HIRA: variants seen among roughly 807,000 people sequenced by gnomAD.
HIRA encodes protein HIRA.
A neutral mutation model predicts 126.6 loss-of-function variants in HIRA; 13 were observed. That is an observed-to-expected ratio of 0.10 (90% confidence interval 0.07 to 0.16). The LOEUF is 0.16. Ranked by LOEUF, HIRA falls within the 10% of genes least tolerant of loss-of-function variation. HIRA has a pLI of 1.00. For missense variants in HIRA, 834 were observed against 1,314.4 expected (o/e 0.63, Z 5.65); for synonymous variants, 511 against 520.0 (o/e 0.98, Z 0.24).
At chr22:19,395,654 C>G (rs572771956) in intron 7 of HIRA, among the ~76,000 whole-genome samples, 3 of 152,162 alleles carry the variant, frequency 2.0e-5, no homozygotes, top group South Asian at 2.1e-4. Flanking sequence ...GCAAACCTTC[C>G]CTCATGTGTC....
intron 24 of HIRA, among the ~76,000 whole-genome samples, chr22:19,349,128 C>T (rs1418570802): frequency 2.7e-5 from 4 of 150,492 alleles, no homozygotes; most frequent in South Asian, 2.1e-4. Context: ...TTTCTTGAGA[C>T]GGAGTTTTGC....
chr22:19,377,742 A>AT, intron 14 of HIRA, 127 bp downstream of exon 14: 1 of 825,406 alleles, frequency 1.2e-6, no homozygotes, highest in Non-Finnish European at 1.9e-6. Context: ...CAAATCACGC[A>AT]TTTTTTTCTT....
intron 21 of HIRA, among the ~76,000 whole-genome samples, chr22:19,354,365 C>G (rs1415817577): frequency 6.6e-6 from 1 of 152,180 alleles, no homozygotes; most frequent in African/African-American, 2.4e-5. Flanking sequence ...TGGATAGGGC[C>G]CTTGCTGGGA....
rs2089228871 is a variant in HIRA, at chr22:19,396,936, T to C, written c.505A>G (p.Thr169Ala). Residue 169 changes from threonine (T) to alanine (A), a missense_variant, in exon 7 of 25, where the codon ACT becomes GCT. Around this residue, in one of 5 missense-constraint regions of HIRA, gnomAD observed 53 missense variants for 163.7 expected, o/e 0.32. Coordinates refer to ENST00000263208, the MANE Select transcript of HIRA (RefSeq NM_003325.4). ...ACCAAGCCAGAATGACCTCTCAGAG[T>C]AGCTAGAATTTCTGTGAAGAAAAAA... Reference protein sequence around the residue: ...NAVKFPEILATLRGHSGLVKG... With the variant: ...NAVKFPEILAALRGHSGLVKG... The C allele has an allele frequency of 6.2e-7, 1 of 1,613,850 alleles. No individual in the cohort carries two copies. The highest frequency in any genetic ancestry group is 8.5e-7 in the Non-Finnish European group (1 of 1,179,936).
chr22:19,414,936 C>CTTATTTAT (rs138847743), intron 1 of HIRA, among the ~76,000 whole-genome samples: 12,597 of 150,748 alleles, frequency 0.084, 1,766 homozygotes, highest in African/African-American at 0.29. Flanking sequence ...ACAACACAAA[C>CTTATTTAT]TTATTTATTT....
At position 19,431,624 on chromosome 22, in the gene HIRA, C is replaced by T; in HGVS notation, c.-148G>A. Reference sequence around the variant, plus strand: ...GCCCTCAGGGCCGCCGCGCCATCGCCGGCCCGCGCCCCCCTCCGCCGCCAC... The same window carrying T: ...GCCCTCAGGGCCGCCGCGCCATCGCTGGCCCGCGCCCCCCTCCGCCGCCAC... On this transcript the variant is annotated 5_prime_UTR_variant, in exon 1 of 25. Coordinates refer to ENST00000263208, the MANE Select transcript of HIRA (RefSeq NM_003325.4). 1 of 757,614 alleles carries T rather than the reference C, an allele frequency of 1.3e-6. No individual in the cohort carries two copies. The highest frequency in any genetic ancestry group is 1.6e-6 in the Non-Finnish European group (1 of 616,820). 46.9% of individuals were successfully genotyped at this position (757,614 alleles called of 1,614,324 possible). A position where few individuals can be genotyped will look rare whatever the true frequency, so the allele number is the denominator to read the frequency against.
rs1228408103 is a variant in HIRA, at chr22:19,382,767, C to CTTTTTTTTTTTTTTTTTTTTT, written c.1415+852_1415+853insAAAAAAAAAAAAAAAAAAAAA. 1.5e-5 allele frequency among the ~76,000 whole-genome samples: 2 copies of CTTTTTTTTTTTTTTTTTTTTT among 134,276 alleles called. 1 individual carries two copies. The allele number at this position is 134,276 out of a possible 152,430, so 88.1% of individuals were successfully genotyped here. A position where few individuals can be genotyped will look rare whatever the true frequency, so the allele number is the denominator to read the frequency against. On this transcript the variant is annotated intron_variant, in intron 13 of 24. Coordinates refer to ENST00000263208, the MANE Select transcript of HIRA (RefSeq NM_003325.4). Reference sequence around the variant, plus strand: ...TTTCACACAGTGCTTTATCATTTTTCTTTCTTTTTTTTTTTTTTTTTGAAT... The same window carrying CTTTTTTTTTTTTTTTTTTTTT: ...TTTCACACAGTGCTTTATCATTTTTCTTTTTTTTTTTTTTTTTTTTTTTTCTTTTTTTTTTTTTTTTTGAAT...
At chr22:19,334,541 C>T (rs1024056847) in intron 24 of HIRA, among the ~76,000 whole-genome samples, 4 of 151,312 alleles carry the variant, frequency 2.6e-5, no homozygotes, top group Non-Finnish European at 5.9e-5. Flanking sequence ...AATCCCAGCA[C>T]TTTGGGAGGC....
At chr22:19,397,069 A>G (rs967162265) in intron 6 of HIRA, 122 bp from the exon 7 acceptor site, 1 of 817,152 alleles carries the variant, frequency 1.2e-6, no homozygotes, top group Non-Finnish European at 1.9e-6. Flanking sequence ...CAGCCCCCAC[A>G]CCAGACAGAA....
At chr22:19,352,037 C>T (rs2146188272) in intron 23 of HIRA, among the ~76,000 whole-genome samples, 1 of 151,766 alleles carries the variant, frequency 6.6e-6, no homozygotes, top group East Asian at 1.9e-4. Flanking sequence ...ATTAAACTGT[C>T]CAAAGAAAAG....
intron 1 of HIRA, among the ~76,000 whole-genome samples, chr22:19,426,099 C>T (rs1291204847): frequency 6.6e-6 from 1 of 152,152 alleles, no homozygotes; most frequent in East Asian, 1.9e-4. Flanking sequence ...TGGCCAAGTC[C>T]CATTAATTCT....
intron 21 of HIRA, among the ~76,000 whole-genome samples, chr22:19,355,311 G>C (rs1355345554): frequency 1.3e-5 from 2 of 152,156 alleles, no homozygotes; most frequent in African/African-American, 4.8e-5. Context: ...TTCCTGAGTG[G>C]ACAGAGGAAA....
At position 19,381,731 on chromosome 22, in the gene HIRA, TTTA is replaced by T. The variant is rs2089074964; in HGVS notation, c.1415+1886_1415+1888del. On this transcript the variant is annotated intron_variant, in intron 13 of 24. Coordinates refer to ENST00000263208, the MANE Select transcript of HIRA (RefSeq NM_003325.4). ...ATTCAGAAATGAGAATGATCTTGAA[TTTA>T]TTATGTTTTATCCTTGTAAGATTTT... Among the ~76,000 whole-genome samples, 3 of 152,238 alleles carry T rather than the reference TTTA, an allele frequency of 2.0e-5. No homozygotes were observed. In the South Asian group the frequency reaches 6.2e-4, roughly 31 times the overall value.
At chr22:19,431,347 G>T in intron 1 of HIRA, 93 bp downstream of exon 1, 1 of 1,408,102 alleles carries the variant, frequency 7.1e-7, no homozygotes, top group Non-Finnish European at 9.9e-7. Context: ...GGCGTCAGGG[G>T]CGAGACAGGC....
intron 15 of HIRA, among the ~76,000 whole-genome samples, chr22:19,374,056 C>T (rs935540883): frequency 2.0e-4 from 31 of 151,844 alleles, no homozygotes; most frequent in Admixed American, 2.6e-4. Flanking sequence ...ATGGAGACCG[C>T]GCGCGGTGGC....
At chr22:19,367,187 C>T (rs923753042) in intron 15 of HIRA, among the ~76,000 whole-genome samples, 14 of 152,042 alleles carry the variant, frequency 9.2e-5, no homozygotes, top group Admixed American at 2.0e-4. Flanking sequence ...AACTGTATGT[C>T]GGGCTTTTTT....
intron 2 of HIRA, among the ~76,000 whole-genome samples, chr22:19,409,056 C>T (rs1411994319): frequency 6.6e-6 from 1 of 152,184 alleles, no homozygotes; most frequent in Non-Finnish European, 1.5e-5. Context: ...AGTGGGGTTT[C>T]CCTCCCCTTC....
chr22:19,431,290 G>C, intron 1 of HIRA, 150 bp downstream of exon 1: 1 of 864,178 alleles, frequency 1.2e-6, no homozygotes, highest in South Asian at 1.4e-5. Flanking sequence ...CCGCGCTGAG[G>C]ACAAAGTCCG....
At chr22:19,386,916 G>A (rs1218812812) in intron 11 of HIRA, among the ~76,000 whole-genome samples, 1 of 152,224 alleles carries the variant, frequency 6.6e-6, no homozygotes, top group African/African-American at 2.4e-5. Flanking sequence ...ACATTTTAGT[G>A]GGGAGGTCAC....
Sources: gnomAD v4.1 joint callset for allele counts (sites outside exome capture counted in the v4.1 genomes callset) on GRCh38, gnomAD v4.1.1 for gene constraint, gnomAD v4.1.1 regional missense constraint, MANE v1.5 for transcripts, NCBI Gene and HGNC (gene_info 2026-07-23, HGNC 2026-07-21) for gene names.